Variants in ZNF718 observed in about 807,000 individuals in gnomAD.
The protein encoded by ZNF718 is zinc finger protein 718.
Under a neutral mutation model 2.6 loss-of-function variants are expected in ZNF718, and 3 were observed. The observed-to-expected ratio is 1.16, with a 90% CI of 0.53 to 3.01. The LOEUF is 3.01. Ranked by LOEUF, ZNF718 falls within the 30% of genes most tolerant of loss-of-function variation. ZNF718 has a pLI of 0.03. For synonymous variants in ZNF718, 135 were observed against 77.9 expected, an observed-to-expected ratio of 1.73 and a Z score of -3.86; for missense variants, 468 against 230.0, an observed-to-expected ratio of 2.03 and a Z score of -6.69.
intron 3 of ZNF718, among the ~76,000 whole-genome samples, chr4:141,747 G>A (rs565328738): frequency 6.6e-6 from 1 of 152,228 alleles, no homozygotes; most frequent in Non-Finnish European, 1.5e-5. Context: ...ATAAACTGCA[G>A]AAATAATCAA....
intron 3 of ZNF718, among the ~76,000 whole-genome samples, chr4:192,989 T>C (rs1244192434): frequency 6.6e-6 from 1 of 152,146 alleles, no homozygotes; most frequent in African/African-American, 2.4e-5. Context: ...AAAGGTTTGG[T>C]GAAGAATTTT....
intron 3 of ZNF718, among the ~76,000 whole-genome samples, chr4:151,573 C>T (rs1489004637): frequency 6.6e-6 from 1 of 151,962 alleles, no homozygotes; most frequent in Non-Finnish European, 1.5e-5. Flanking sequence ...CTCCGCCTCC[C>T]AGGTTCAAGT....
intron 3 of ZNF718, among the ~76,000 whole-genome samples, chr4:138,051 A>G (rs185056745): frequency 6.6e-6 from 1 of 152,236 alleles, no homozygotes; most frequent in African/African-American, 2.4e-5. Context: ...GTTACATGAG[A>G]TATTTTGATG....
At chr4:179,274 G>A (rs1717409715) in intron 3 of ZNF718, among the ~76,000 whole-genome samples, 1 of 152,102 alleles carries the variant, frequency 6.6e-6, no homozygotes, top group African/African-American at 2.4e-5. Context: ...TATCACAATG[G>A]TTTTATTTTT....
downstream of ZNF718, among the ~76,000 whole-genome samples, chr4:167,744 T>C (rs1307105380): frequency 6.6e-6 from 1 of 152,132 alleles, no homozygotes; most frequent in East Asian, 1.9e-4. Flanking sequence ...CTTAAGGAGA[T>C]TTTGGGCCTG....
chr4:169,608 A>G (rs1424404240), intron 3 of ZNF718, among the ~76,000 whole-genome samples: 3 of 152,036 alleles, frequency 2.0e-5, no homozygotes, highest in South Asian at 2.1e-4. Flanking sequence ...TTATGTAATG[A>G]CCTTCTTTGT....
intron 3 of ZNF718, among the ~76,000 whole-genome samples, chr4:134,010 T>A (rs1013921029): frequency 6.6e-6 from 1 of 152,226 alleles, no homozygotes; most frequent in Non-Finnish European, 1.5e-5. Context: ...GCTGATCTAA[T>A]GCTGAATGTA....
chr4:195,617 T>C (rs1180037104), intron 3 of ZNF718, among the ~76,000 whole-genome samples: 1 of 152,138 alleles, frequency 6.6e-6, no homozygotes, highest in Non-Finnish European at 1.5e-5. Flanking sequence ...AGCTCTGAAC[T>C]GGTGAGGTGT....
Position 140,679 on chromosome 4 carries a change from A to G in ZNF718, c.226+9174A>G, listed in dbSNP as rs545411150. On this transcript the variant is annotated intron_variant, in intron 3 of 3. Transcript: ENST00000510175. The stretch of plus-strand genomic sequence containing the variant: ...GTAAAACCAGTAAGTTTCTATTGCT[A>G]TCTCATGGCTAAGGTTCCAAGCTAT... Among the ~76,000 whole-genome samples, 20 of 152,324 alleles carry G rather than the reference A, an allele frequency of 1.3e-4. No homozygotes were observed. In the South Asian group the frequency reaches 1.7e-3, roughly 13 times the overall value.
At chr4:143,739 C>A (rs1331384045) in intron 3 of ZNF718, among the ~76,000 whole-genome samples, 1 of 152,160 alleles carries the variant, frequency 6.6e-6, no homozygotes, top group Non-Finnish European at 1.5e-5. Context: ...CATCAAGCTT[C>A]ACTGATCATG....
rs2108778856 is a variant in ZNF718 at position 129,023 on chromosome 4, A to G, written c.4-1765A>G. ...TGTTCAGTACAAAGACAGAAACTGTATGGAGACTTAAGCTTAATTTGTGTT... is the reference window on the plus strand; with the variant it reads ...TGTTCAGTACAAAGACAGAAACTGTGTGGAGACTTAAGCTTAATTTGTGTT... On this transcript the variant is annotated intron_variant, in intron 1 of 3. Transcript: ENST00000510175. 1.9e-5 allele frequency among the ~76,000 whole-genome samples: 2 copies of G among 105,100 alleles called. 1 individual carries two copies. Among genetic ancestry groups the G allele is most frequent in the African/African-American group, 6.6e-5 (2 of 30,504 alleles). The allele number at this position is 105,100 out of a possible 152,430, so 68.9% of individuals were successfully genotyped here.
chr4:148,406 C>T (rs893365412), intron 3 of ZNF718, among the ~76,000 whole-genome samples: 1 of 151,878 alleles, frequency 6.6e-6, no homozygotes. Context: ...GTCAGGAGTT[C>T]GAGACCAGCC....
intron 3 of ZNF718, among the ~76,000 whole-genome samples, chr4:170,678 T>C (rs1437663688): frequency 6.6e-6 from 1 of 152,224 alleles, no homozygotes; most frequent in Non-Finnish European, 1.5e-5. Context: ...GTAGTTCTCA[T>C]GCCTTGGTTT....
chr4:187,217 T>TTTTTTG (rs1242109651), intron 3 of ZNF718, among the ~76,000 whole-genome samples: 2 of 152,018 alleles, frequency 1.3e-5, no homozygotes, highest in Admixed American at 6.6e-5. Context: ...TTTTGGGGTT[T>TTTTTTG]TTTTTGTTTT....
intron 3 of ZNF718, among the ~76,000 whole-genome samples, chr4:155,646 A>G (rs1425449304): frequency 6.6e-6 from 1 of 152,150 alleles, no homozygotes; most frequent in Non-Finnish European, 1.5e-5. Context: ...CTAGGAAATA[A>G]CTAACTTGCT....
intron 3 of ZNF718, among the ~76,000 whole-genome samples, chr4:133,787 G>A (rs1715435356): frequency 6.6e-6 from 1 of 152,128 alleles, no homozygotes; most frequent in South Asian, 2.1e-4. Context: ...GTGCAACCTG[G>A]ATTTTTCTGA....
At chr4:145,472 C>CT (rs1190511612) in intron 3 of ZNF718, among the ~76,000 whole-genome samples, 3 of 152,134 alleles carry the variant, frequency 2.0e-5, no homozygotes, top group African/African-American at 7.2e-5. Context: ...AATGTAACTT[C>CT]TTTTTTTGTA....
intron 3 of ZNF718, among the ~76,000 whole-genome samples, chr4:157,103 C>CTTTTTTTTTTTTTTTTTTTTTTTTTTTT (rs199814257): frequency 2.9e-5 from 3 of 103,148 alleles, no homozygotes; most frequent in Admixed American, 1.0e-4. Flanking sequence ...TTCTTTCTTT[C>CTTTTTTTTTTTTTTTTTTTTTTTTTTTT]TTTTTTTTTT....
At chr4:133,568 A>C (rs1715426831) in intron 3 of ZNF718, among the ~76,000 whole-genome samples, 1 of 152,222 alleles carries the variant, frequency 6.6e-6, no homozygotes, top group African/African-American at 2.4e-5. Flanking sequence ...TACCTATATA[A>C]GTTATATATG....
Sources: gnomAD v4.1 joint callset for allele counts (sites outside exome capture counted in the v4.1 genomes callset) on GRCh38, gnomAD v4.1.1 for gene constraint, MANE v1.5 for transcripts, NCBI Gene and HGNC (gene_info 2026-07-23, HGNC 2026-07-21) for gene names.